CLASP1: variants seen among roughly 807,000 people sequenced by gnomAD.
CLASP1 encodes cytoplasmic linker associated protein 1.
A neutral mutation model predicts 192.3 loss-of-function variants in CLASP1; 38 were observed. The observed-to-expected ratio is 0.20, with a 90% CI of 0.15 to 0.26. The LOEUF is 0.26. Ranked by LOEUF, CLASP1 falls within the 10% of genes least tolerant of loss-of-function variation. The pLI, the probability that CLASP1 is intolerant of heterozygous loss-of-function variation, is 1.00. For missense variants in CLASP1, 1,433 were observed against 1,932.5 expected, an observed-to-expected ratio of 0.74 and a Z score of 4.85; for synonymous variants, 691 against 712.8, an observed-to-expected ratio of 0.97 and a Z score of 0.49.
In CLASP1 at chr2:121,581,375, C is replaced by T. The variant is rs565599550; in HGVS notation, c.195+24326G>A. On this transcript the variant is annotated intron_variant, in intron 2 of 39. Transcript: ENST00000263710. ...CTGCAAGCTCCGCTTCCCGGGTTCA[C>T]GCCATTCTCCTGCCTCAGCCTCCCG... Among the ~76,000 whole-genome samples the T allele has an allele frequency of 2.0e-3, 299 of 149,040 alleles. 1 individual carries two copies. Among genetic ancestry groups the T allele is most frequent in the African/African-American group, 6.0e-3 (239 of 39,896 alleles).
intron 18 of CLASP1, 28 bp from the exon 19 acceptor site, chr2:121,447,535 T>A: frequency 6.5e-7 from 1 of 1,527,962 alleles, no homozygotes. Flanking sequence ...GAAATATGAA[T>A]AAGGACTACA....
At chr2:121,421,932 C>G (rs562810828) in intron 22 of CLASP1, among the ~76,000 whole-genome samples, 1 of 152,222 alleles carries the variant, frequency 6.6e-6, no homozygotes, top group Non-Finnish European at 1.5e-5. Context: ...AGTCTTGTCT[C>G]TTTAAGTGCC....
rs1574304133 is a variant in CLASP1 at position 121,397,357 on chromosome 2, G to C, written c.2980-74C>G. On this transcript the variant is annotated intron_variant, in intron 29 of 39. Coordinates refer to ENST00000263710, the Ensembl canonical transcript of CLASP1. ...GAACACAATTCTTATCAGGTGGCCA[G>C]AGAAAAGTAAACCCTGGTGAGGGGG... 5 of 1,368,510 alleles carry C rather than the reference G, an allele frequency of 3.7e-6. No homozygotes were observed. The East Asian group carries it at 9.5e-5, about 26-fold the overall frequency. The allele number at this position is 1,368,510 out of a possible 1,614,324, so 84.8% of individuals were successfully genotyped here. A position where few individuals can be genotyped will look rare whatever the true frequency, so the allele number is the denominator to read the frequency against.
At chr2:121,456,392 C>A (rs890907288) in intron 14 of CLASP1, among the ~76,000 whole-genome samples, 1 of 150,564 alleles carries the variant, frequency 6.6e-6, no homozygotes, top group Non-Finnish European at 1.5e-5. Context: ...GTGGTGTGTG[C>A]CTATAGTCCC....
chr2:121,351,913 T>A (rs767240056), intron 37 of CLASP1, among the ~76,000 whole-genome samples: 4 of 152,262 alleles, frequency 2.6e-5, no homozygotes, highest in Non-Finnish European at 5.9e-5. Flanking sequence ...CTCTCATTTG[T>A]GCTCTGTGTG....
chr2:121,466,517 C>G (rs1306016885), intron 9 of CLASP1, among the ~76,000 whole-genome samples: 3 of 152,132 alleles, frequency 2.0e-5, no homozygotes, highest in African/African-American at 7.2e-5. Flanking sequence ...GGATTCCCCA[C>G]CCACCACTAT....
chr2:121,531,010 G>T (rs774680213), intron 2 of CLASP1: 37 of 700,016 alleles, frequency 5.3e-5, no homozygotes, highest in African/African-American at 4.0e-4. Context: ...TTGGAAAAAT[G>T]AAAACCTGTT....
intron 2 of CLASP1, among the ~76,000 whole-genome samples, chr2:121,592,802 G>A (rs142025827): frequency 8.6e-4 from 131 of 152,166 alleles, no homozygotes; most frequent in African/African-American, 3.0e-3. Context: ...ATAGGTGCCC[G>A]CCACCTCACC....
intron 37 of CLASP1, among the ~76,000 whole-genome samples, chr2:121,356,444 C>A (rs958186794): frequency 1.6e-4 from 25 of 152,116 alleles, no homozygotes; most frequent in African/African-American, 6.0e-4. Context: ...AGGCTCAGTA[C>A]CAGAGGGAGG....
chr2:121,408,982 A>T (rs2077302434), intron 24 of CLASP1: 1 of 1,517,682 alleles, frequency 6.6e-7, no homozygotes, highest in South Asian at 1.2e-5. Flanking sequence ...TACTTGCAAC[A>T]GGAGAAATAA....
chr2:121,531,322 G>A (rs1261087491), intron 2 of CLASP1, among the ~76,000 whole-genome samples: 1 of 152,180 alleles, frequency 6.6e-6, no homozygotes, highest in Non-Finnish European at 1.5e-5. Flanking sequence ...CAGGTCGGGC[G>A]CGGTGGCTCA....
chr2:121,474,503 G>C (rs554299064), intron 8 of CLASP1, among the ~76,000 whole-genome samples: 1 of 152,154 alleles, frequency 6.6e-6, no homozygotes, highest in South Asian at 2.1e-4. Flanking sequence ...TTGGGCGGCC[G>C]AGGCAGGCAG....
At chr2:121,445,569 G>A (rs187527382) in intron 19 of CLASP1, 320 of 805,860 alleles carry the variant, frequency 4.0e-4, no homozygotes, top group Non-Finnish European at 5.3e-4. Flanking sequence ...AACCTAGGTA[G>A]CAACTGTAAC....
chr2:121,530,121 G>C, intron 3 of CLASP1, 126 bp downstream of exon 3: 1 of 749,480 alleles, frequency 1.3e-6, no homozygotes, highest in Non-Finnish European at 2.2e-6. Flanking sequence ...GGGAGGAGCG[G>C]AAGGGAGGGA....
rs369906496 is a variant in CLASP1, at chr2:121,573,405, T to C, written c.195+32296A>G. ...GCCAAGAATGTATATGCTAATAAAT[T>C]AGTTCTCTAATTTTTAAGACAACTG... On this transcript the variant is annotated intron_variant, in intron 2 of 39. Coordinates refer to ENST00000263710, the Ensembl canonical transcript of CLASP1. Among the ~76,000 whole-genome samples the C allele has an allele frequency of 2.0e-5, 3 of 152,246 alleles. No homozygotes were observed. The South Asian group carries it at 6.2e-4, about 31-fold the overall frequency.
At chr2:121,631,351 G>A (rs1214441145) in intron 1 of CLASP1, among the ~76,000 whole-genome samples, 3 of 138,404 alleles carry the variant, frequency 2.2e-5, no homozygotes, top group Non-Finnish European at 4.5e-5. Flanking sequence ...GCACTGGTAC[G>A]ATCTTGGCTC....
intron 7 of CLASP1, among the ~76,000 whole-genome samples, chr2:121,514,954 A>G (rs1278374181): frequency 6.6e-6 from 1 of 152,212 alleles, no homozygotes; most frequent in Non-Finnish European, 1.5e-5. Flanking sequence ...GGCTCAGATA[A>G]GCTGCCCTGT....
At position 121,427,579 on chromosome 2, in the gene CLASP1, C is replaced by A. The variant is rs2080661760; in HGVS notation, c.2018-149G>T. 15 of 745,122 alleles carry A rather than the reference C, an allele frequency of 2.0e-5. No individual in the cohort carries two copies. In the South Asian group the frequency reaches 2.7e-4, roughly 13 times the overall value. 46.2% of individuals were successfully genotyped at this position (745,122 alleles called of 1,614,324 possible). A position where few individuals can be genotyped will look rare whatever the true frequency, so the allele number is the denominator to read the frequency against. On this transcript the variant is annotated intron_variant, in intron 20 of 39. Coordinates refer to ENST00000263710, the Ensembl canonical transcript of CLASP1. Reference sequence around the variant, plus strand: ...CTATATTTCCTAGGACTTGTTCCTCCTATTTTTGTACTTATGTTTATCTTT... The same window carrying A: ...CTATATTTCCTAGGACTTGTTCCTCATATTTTTGTACTTATGTTTATCTTT...
intron 9 of CLASP1, among the ~76,000 whole-genome samples, chr2:121,464,661 G>T (rs1346568357): frequency 1.3e-5 from 2 of 152,134 alleles, no homozygotes; most frequent in African/African-American, 4.8e-5. Context: ...AGAAGTGTCT[G>T]TTCATGTCCT....
Sources: allele counts gnomAD v4.1 joint callset (sites outside exome capture counted in the v4.1 genomes callset), GRCh38; gene constraint gnomAD v4.1.1; transcripts MANE v1.5; gene names NCBI Gene and HGNC (gene_info 2026-07-23, HGNC 2026-07-21).